The following KRABD5 variants were observed in gnomAD, a reference collection of about 807,000 sequenced individuals.
KRABD5 encodes KRAB domain-containing protein 5.
chr16:31,713,433 A>T, the KRABD5 span: 1 of 1,605,754 alleles, frequency 6.2e-7, no homozygotes, highest in Non-Finnish European at 8.5e-7. Flanking sequence ...AAGCTGGGAA[A>T]TGGTGAATGT....
the KRABD5 span, chr16:31,755,835 A>G: frequency 3.3e-6 from 1 of 300,312 alleles, no homozygotes; most frequent in Non-Finnish European, 6.5e-6. Flanking sequence ...TTTAATCAGA[A>G]CTCAAATCTG....
At chr16:31,722,786 C>T in the KRABD5 span, 10 of 1,538,356 alleles carry the variant, frequency 6.5e-6, no homozygotes, top group Non-Finnish European at 7.8e-6. Flanking sequence ...TATCTAATAT[C>T]TAATAACTAA....
chr16:31,753,923 ATAT>A, the KRABD5 span: 1 of 1,550,916 alleles, frequency 6.4e-7, no homozygotes, highest in South Asian at 1.2e-5. Flanking sequence ...GTCACAATGG[ATAT>A]TATGATGGAC....
the KRABD5 span, chr16:31,755,039 A>G: frequency 2.1e-6 from 1 of 476,460 alleles, no homozygotes; most frequent in Non-Finnish European, 4.3e-6. Flanking sequence ...TACTGGAGAG[A>G]AACCTTACAA....
chr16:31,724,506 T>C, the KRABD5 span, among the ~76,000 whole-genome samples: 2 of 151,516 alleles, frequency 1.3e-5, no homozygotes, highest in East Asian at 1.9e-4. Flanking sequence ...GCTAACACGA[T>C]GAAACCCCGT....
the KRABD5 span, among the ~76,000 whole-genome samples, chr16:31,717,690 C>T: frequency 6.6e-6 from 1 of 152,100 alleles, no homozygotes; most frequent in African/African-American, 2.4e-5. Flanking sequence ...GAACAGTTTT[C>T]TTTCGTTTCT....
At chr16:31,715,130 A>G in the KRABD5 span, among the ~76,000 whole-genome samples, 1 of 152,202 alleles carries the variant, frequency 6.6e-6, no homozygotes. Flanking sequence ...GGAGGGGCAT[A>G]AAGAGGGGTT....
At chr16:31,750,142 T>C in the KRABD5 span, among the ~76,000 whole-genome samples, 1 of 152,222 alleles carries the variant, frequency 6.6e-6, no homozygotes, top group Admixed American at 6.5e-5. Context: ...TATGGCCATT[T>C]TAATGATGTT....
the KRABD5 span, among the ~76,000 whole-genome samples, chr16:31,727,448 A>G: frequency 1.3e-5 from 2 of 152,206 alleles, no homozygotes; most frequent in Non-Finnish European, 2.9e-5. Flanking sequence ...GAGCGAGGCT[A>G]CCCTGTAGGC....
At chr16:31,758,238 TA>T in the KRABD5 span, 1 of 152,124 alleles carries the variant, frequency 6.6e-6, no homozygotes, top group East Asian at 1.9e-4. Context: ...GCTCCAACAA[TA>T]TGAGCAATAA....
At chr16:31,734,390 A>G in the KRABD5 span, among the ~76,000 whole-genome samples, 1 of 152,090 alleles carries the variant, frequency 6.6e-6, no homozygotes, top group South Asian at 2.1e-4. Flanking sequence ...CGTTAGGACT[A>G]CAGGCATATG....
chr16:31,723,220 TC>T, the KRABD5 span: 1 of 1,595,602 alleles, frequency 6.3e-7, no homozygotes, highest in African/African-American at 1.3e-5. Context: ...ATTAAAGAAC[TC>T]CCAGCAAGAG....
chr16:31,727,807 A>C, the KRABD5 span, among the ~76,000 whole-genome samples: 64 of 152,076 alleles, frequency 4.2e-4, no homozygotes, highest in African/African-American at 1.3e-3. Context: ...GTAGTCTCTT[A>C]TTATTCTTTG....
At chr16:31,725,306 C>CG in the KRABD5 span, among the ~76,000 whole-genome samples, 1 of 152,038 alleles carries the variant, frequency 6.6e-6, no homozygotes, top group African/African-American at 2.4e-5. Flanking sequence ...TTAGTAGAGA[C>CG]GGGGTTTCGC....
the KRABD5 span, chr16:31,754,329 A>G: frequency 6.5e-6 from 4 of 613,462 alleles, no homozygotes; most frequent in Non-Finnish European, 1.1e-5. Context: ...GTCTTCATTC[A>G]TTCATCATTG....
At chr16:31,725,517 A>T in the KRABD5 span, among the ~76,000 whole-genome samples, 2 of 152,156 alleles carry the variant, frequency 1.3e-5, no homozygotes, top group Non-Finnish European at 1.5e-5. Flanking sequence ...TTTTCCCATA[A>T]TGGCTGGATC....
chr16:31,750,627 G>C, the KRABD5 span, among the ~76,000 whole-genome samples: 1 of 152,054 alleles, frequency 6.6e-6, no homozygotes, highest in Non-Finnish European at 1.5e-5. Flanking sequence ...AATGCCTCCA[G>C]CTTTTGCTTT....
chr16:31,738,489 A>T, the KRABD5 span, among the ~76,000 whole-genome samples: 2 of 152,116 alleles, frequency 1.3e-5, no homozygotes, highest in African/African-American at 4.8e-5. Context: ...TTGATGTAAC[A>T]TGTATTTTAA....
the KRABD5 span, among the ~76,000 whole-genome samples, chr16:31,750,260 T>C: frequency 1.3e-5 from 2 of 152,228 alleles, no homozygotes; most frequent in Non-Finnish European, 2.9e-5. Flanking sequence ...ATTGGTTAGA[T>C]CTATTCCTAG....
Sources: gnomAD v4.1 joint callset for allele counts (sites outside exome capture counted in the v4.1 genomes callset) on GRCh38, gnomAD v4.1.1 for gene constraint, MANE v1.5 for transcripts, NCBI Gene and HGNC (gene_info 2026-07-23, HGNC 2026-07-21) for gene names.